The following ST8SIA5 variants were observed in gnomAD, a reference collection of about 807,000 sequenced individuals.
The protein encoded by ST8SIA5 is ST8 alpha-N-acetyl-neuraminide alpha-2,8-sialyltransferase 5.
ST8SIA5 carries 24 observed loss-of-function variants against 40.2 expected under a neutral mutation model. The ratio of observed to expected loss-of-function variants is 0.60; its 90% CI spans 0.43 to 0.84. The LOEUF (loss-of-function observed/expected upper bound fraction) is 0.84. Ranked by LOEUF, ST8SIA5 falls within the 40% of genes least tolerant of loss-of-function variation. The pLI, the probability that ST8SIA5 is intolerant of heterozygous loss-of-function variation, is 0.00. For synonymous variants in ST8SIA5, 198 were observed against 201.8 expected (o/e 0.98, Z 0.16); for missense variants, 465 against 498.5 (o/e 0.93, Z 0.64).
intron 1 of ST8SIA5, among the ~76,000 whole-genome samples, chr18:46,739,534 G>GA (rs896026997): frequency 2.6e-5 from 4 of 152,008 alleles, no homozygotes; most frequent in African/African-American, 9.7e-5. Context: ...ACTCCACCTC[G>GA]AAAAAAATAG....
Position 46,682,008 on chromosome 18 carries a change from T to C in ST8SIA5, c.626A>G (p.Asp209Gly), listed in dbSNP as rs765843572. The C allele has an allele frequency of 5.0e-6, 8 of 1,613,856 alleles. No homozygotes were observed. Among genetic ancestry groups the C allele is most frequent in the Non-Finnish European group, 5.9e-6 (7 of 1,179,994 alleles). Residue 209 changes from aspartate (D) to glycine (G), a missense_variant, in exon 6 of 7, where the codon GAT (aspartate) becomes GGT (glycine). By Grantham distance (94) the Asp-to-Gly change is moderately conservative. Coordinates refer to ENST00000315087, the MANE Select transcript of ST8SIA5 (RefSeq NM_013305.6). ...KYTMDVGVKT[D>G]VVTVNPSIIT... ...GATGCTGGGGTTCACAGTGACCACA[T>C]CCGTCTTCACCCCCACATCCATGGT...
At chr18:46,681,208 C>T (rs2039392047) in intron 6 of ST8SIA5, among the ~76,000 whole-genome samples, 1 of 152,022 alleles carries the variant, frequency 6.6e-6, no homozygotes, top group African/African-American at 2.4e-5. Flanking sequence ...GAACTCCTGG[C>T]CGCAAGCCAC....
At chr18:46,705,988 C>T (rs896956216) in intron 1 of ST8SIA5, among the ~76,000 whole-genome samples, 1 of 152,030 alleles carries the variant, frequency 6.6e-6, no homozygotes, top group Non-Finnish European at 1.5e-5. Context: ...ATATTTTACC[C>T]AATATATTGG....
At chr18:46,725,022 A>AGGAG (rs1415559941) in intron 1 of ST8SIA5, among the ~76,000 whole-genome samples, 13 of 150,154 alleles carry the variant, frequency 8.7e-5, no homozygotes, top group Admixed American at 2.0e-4. Context: ...GAAGGAAGGA[A>AGGAG]GGAAGGAAGG....
chr18:46,750,092 AAACT>A (rs1189918851), intron 1 of ST8SIA5, among the ~76,000 whole-genome samples: 3 of 152,216 alleles, frequency 2.0e-5, no homozygotes, highest in Non-Finnish European at 4.4e-5. Flanking sequence ...CAGCCCAAAC[AAACT>A]AAGATGTAAA....
chr18:46,756,436 C>T lies in ST8SIA5; in HGVS notation c.73G>A (p.Ala25Thr). 1 of 1,613,338 alleles carries T rather than the reference C, an allele frequency of 6.2e-7. No individual in the cohort carries two copies. Among genetic ancestry groups the T allele is most frequent in the African/African-American group, 1.3e-5 (1 of 75,020 alleles). ...SRTLLFIFIC[A>T]FALVTLLQQI... ...TGCAGCAAGGTCACCAAGGCAAAGG[C>T]GCAGATGAAGATGAAGAGCAAAGTT... The change falls in exon 1 of 7, where the codon GCC (alanine) becomes ACC (threonine). Residue 25 changes from alanine to threonine, a missense_variant. Transcript: ENST00000315087.
At position 46,725,988 on chromosome 18, in the gene ST8SIA5, T is replaced by TCCTGG. The variant is rs1274775782; in HGVS notation, c.132-21325_132-21324insCCAGG. Among the ~76,000 whole-genome samples, 7 of 58,558 alleles carry TCCTGG rather than the reference T, an allele frequency of 1.2e-4. 2 individuals are homozygous for TCCTGG. The highest frequency in any genetic ancestry group is 3.5e-4 in the African/African-American group (6 of 16,996). 38.4% of individuals were successfully genotyped at this position (58,558 alleles called of 152,430 possible). A position where few individuals can be genotyped will look rare whatever the true frequency, so the allele number is the denominator to read the frequency against. Reference sequence around the variant, plus strand: ...AAAAAAAAAAATATATATATATATATATATATATATATATATATATATCCT... The same window carrying TCCTGG: ...AAAAAAAAAAATATATATATATATATCCTGGATATATATATATATATATATATCCT... On this transcript the variant is annotated intron_variant, in intron 1 of 6. Coordinates refer to ENST00000315087, the MANE Select transcript of ST8SIA5 (RefSeq NM_013305.6).
chr18:46,726,076 C>T (rs2039926767), intron 1 of ST8SIA5, among the ~76,000 whole-genome samples: 1 of 130,676 alleles, frequency 7.7e-6, no homozygotes, highest in African/African-American at 2.9e-5. Context: ...CACCTGTAGT[C>T]CCAGCTACTT....
At chr18:46,726,897 G>A (rs1568272030) in intron 1 of ST8SIA5, among the ~76,000 whole-genome samples, 1 of 152,116 alleles carries the variant, frequency 6.6e-6, no homozygotes, top group Non-Finnish European at 1.5e-5. Flanking sequence ...AGCAAACAGA[G>A]CGAGACTCCA....
intron 1 of ST8SIA5, among the ~76,000 whole-genome samples, chr18:46,732,074 C>T (rs183305271): frequency 1.4e-3 from 216 of 152,292 alleles, no homozygotes; most frequent in African/African-American, 5.1e-3. Flanking sequence ...GCAGGAAGTC[C>T]AGGCTTTTAT....
At chr18:46,749,011 A>T (rs1464852978) in intron 1 of ST8SIA5, among the ~76,000 whole-genome samples, 1 of 152,250 alleles carries the variant, frequency 6.6e-6, no homozygotes, top group Middle Eastern at 3.2e-3. Context: ...ATACAATGAA[A>T]TATTATTCTG....
chr18:46,725,972 A>ATAT (rs1555696956), intron 1 of ST8SIA5, among the ~76,000 whole-genome samples: 13 of 29,064 alleles, frequency 4.5e-4, no homozygotes, highest in South Asian at 1.4e-3. Context: ...AAAAAAAAAA[A>ATAT]ATATATATAT....
intron 1 of ST8SIA5, among the ~76,000 whole-genome samples, chr18:46,737,933 A>G (rs974421634): frequency 6.6e-6 from 1 of 151,852 alleles, no homozygotes; most frequent in African/African-American, 2.4e-5. Context: ...ACCACGCCCG[A>G]ATAATTTTTG....
Position 46,694,277 on chromosome 18 carries a change from G to A in ST8SIA5, c.225-2022C>T, listed in dbSNP as rs552467101. On this transcript the variant is annotated intron_variant, in intron 2 of 6. Coordinates refer to ENST00000315087, the MANE Select transcript of ST8SIA5 (RefSeq NM_013305.6). ...GATCCTATGGTCAAATATAGTTGGG[G>A]AAAGCTGAGCTAAATAAAGTTAAAT... 3.3e-5 allele frequency among the ~76,000 whole-genome samples: 5 copies of A among 152,250 alleles called. No individual in the cohort carries two copies. In the South Asian group the frequency reaches 1.0e-3, roughly 32 times the overall value.
chr18:46,729,392 T>TTGAGGTTCCAGAACCATGGGATCC (rs11268051), intron 1 of ST8SIA5, among the ~76,000 whole-genome samples: 1 of 151,882 alleles, frequency 6.6e-6, no homozygotes, highest in South Asian at 2.1e-4. Flanking sequence ...GGTGGGTGCC[T>TTGAGGTTCCAGAACCATGGGATCC]TGAACTCCAC....
intron 1 of ST8SIA5, among the ~76,000 whole-genome samples, chr18:46,712,934 C>T (rs1041877960): frequency 4.6e-4 from 70 of 152,284 alleles, no homozygotes; most frequent in African/African-American, 1.6e-3. Context: ...GAGCCCTGTG[C>T]AGATGTGTGG....
Position 46,688,844 on chromosome 18 carries a change from CT to C in ST8SIA5, c.386del (p.Lys129SerfsTer38). 1 of 1,614,112 alleles carries C rather than the reference CT, an allele frequency of 6.2e-7. No homozygotes were observed. Among genetic ancestry groups the C allele is most frequent in the South Asian group, 1.1e-5 (1 of 91,056 alleles). On this transcript the variant is annotated frameshift_variant, in exon 4 of 7. Coordinates refer to ENST00000315087, the MANE Select transcript of ST8SIA5 (RefSeq NM_013305.6). LOFTEE classifies it high-confidence loss of function. ...TTQKNTPLGT[K>X]LKYEVDTSGI... ...CACTGGTGTCCACCTCATACTTGAG[CT>C]TTGTCCCCAGGGGAGTGTTCTTCTG...
intron 5 of ST8SIA5, among the ~76,000 whole-genome samples, chr18:46,682,856 T>C (rs898882153): frequency 6.6e-6 from 1 of 152,180 alleles, no homozygotes; most frequent in African/African-American, 2.4e-5. Flanking sequence ...GGCTTTGCCA[T>C]GAGCCAAGGA....
chr18:46,730,467 T>C (rs1307996883), intron 1 of ST8SIA5: 2 of 157,210 alleles, frequency 1.3e-5, no homozygotes, highest in African/African-American at 2.4e-5. Context: ...GAAAAGATAA[T>C]GGAGTGGTTG....
Sources: gnomAD v4.1 joint callset for allele counts (sites outside exome capture counted in the v4.1 genomes callset) on GRCh38, gnomAD v4.1.1 for gene constraint, MANE v1.5 for transcripts, NCBI Gene and HGNC (gene_info 2026-07-23, HGNC 2026-07-21) for gene names.